The following TENM2 variants were observed in gnomAD, a reference collection of about 807,000 sequenced individuals.
TENM2 encodes teneurin transmembrane protein 2.
TENM2 carries 52 observed loss-of-function variants against 245.2 expected under a neutral mutation model. The observed-to-expected ratio is 0.21, with a 90% CI of 0.17 to 0.27. The LOEUF is 0.27. Among genes scored for constraint, TENM2 ranks in the 10% least tolerant of loss-of-function variants. The pLI is 1.00. For synonymous variants in TENM2, 1,363 were observed against 1,438.9 expected, an observed-to-expected ratio of 0.95 and a Z score of 1.19; for missense variants, 3,046 against 3,666.8, an observed-to-expected ratio of 0.83 and a Z score of 4.37.
chr5:168,028,951 C>T (rs950353730), intron 5 of TENM2, among the ~76,000 whole-genome samples: 1 of 152,172 alleles, frequency 6.6e-6, no homozygotes, highest in Admixed American at 6.5e-5. Context: ...GCCCATGGTC[C>T]TCCCCTTAGG....
chr5:167,226,396 A>T, the TENM2 span, among the ~76,000 whole-genome samples: 1 of 151,864 alleles, frequency 6.6e-6, no homozygotes, highest in East Asian at 1.9e-4. Context: ...TAATTTTTTC[A>T]TTGACCAAAC....
At chr5:167,188,062 C>CAGA in the TENM2 span, among the ~76,000 whole-genome samples, 1 of 152,154 alleles carries the variant, frequency 6.6e-6, no homozygotes, top group Non-Finnish European at 1.5e-5. Context: ...ATCTTCTCTT[C>CAGA]ATCAGAATCA....
At chr5:167,749,994 G>C (rs765515417) in intron 2 of TENM2, among the ~76,000 whole-genome samples, 14 of 152,002 alleles carry the variant, frequency 9.2e-5, no homozygotes, top group Non-Finnish European at 1.9e-4. Flanking sequence ...CCTTTGCTTT[G>C]ACCAGGTGTA....
chr5:167,905,040 G>C (rs1413318947), intron 3 of TENM2, among the ~76,000 whole-genome samples: 1 of 152,152 alleles, frequency 6.6e-6, no homozygotes, highest in African/African-American at 2.4e-5. Flanking sequence ...AGGATAGTCA[G>C]ACAGCATTTC....
the TENM2 span, among the ~76,000 whole-genome samples, chr5:167,264,546 A>G: frequency 2.0e-4 from 30 of 152,280 alleles, no homozygotes; most frequent in East Asian, 5.2e-3. Flanking sequence ...CACATTGTCC[A>G]TTCTGCACTC....
intron 7 of TENM2, among the ~76,000 whole-genome samples, chr5:168,062,776 G>A (rs1790156982): frequency 1.3e-5 from 2 of 152,098 alleles, no homozygotes; most frequent in South Asian, 4.1e-4. Flanking sequence ...GATACCAAAG[G>A]CCACATATTG....
the TENM2 span, among the ~76,000 whole-genome samples, chr5:167,035,117 G>A: frequency 6.6e-6 from 1 of 151,986 alleles, no homozygotes; most frequent in South Asian, 2.1e-4. Flanking sequence ...TTCCTGAAAT[G>A]TCACCACAGA....
At chr5:167,761,728 A>T (rs1217616841) in intron 2 of TENM2, among the ~76,000 whole-genome samples, 1 of 152,192 alleles carries the variant, frequency 6.6e-6, no homozygotes, top group African/African-American at 2.4e-5. Flanking sequence ...CACAGAATTC[A>T]TCCCCAGGCC....
Position 168,191,930 on chromosome 5 carries a change from G to A in TENM2, c.2780+1383G>A, listed in dbSNP as rs1449960083. ...CAATTCCTGCAGCTCTTTTGAATAT[G>A]AGTGTCTTAACAAGGTCACCTTAGG... On this transcript the variant is annotated intron_variant, in intron 14 of 28. Coordinates refer to ENST00000518659, the Ensembl canonical transcript of TENM2. 2.0e-5 allele frequency among the ~76,000 whole-genome samples: 3 copies of A among 152,076 alleles called. No individual in the cohort carries two copies. In the East Asian group the frequency reaches 5.8e-4, roughly 29 times the overall value.
intron 3 of TENM2, chr5:167,934,905 C>T: frequency 1.0e-6 from 1 of 985,502 alleles, no homozygotes; most frequent in Non-Finnish European, 1.2e-6. Context: ...GGCTGCACTG[C>T]CCTTGAGTCG....
At chr5:167,934,227 A>G (rs1778517401) in intron 3 of TENM2, among the ~76,000 whole-genome samples, 1 of 152,210 alleles carries the variant, frequency 6.6e-6, no homozygotes, top group Non-Finnish European at 1.5e-5. Context: ...ATCAGATCCT[A>G]TTATAAACTT....
intron 2 of TENM2, among the ~76,000 whole-genome samples, chr5:167,675,154 G>A (rs1035282533): frequency 6.6e-6 from 1 of 152,096 alleles, no homozygotes; most frequent in Non-Finnish European, 1.5e-5. Flanking sequence ...GAGTTTGTAA[G>A]TGCTTATAGT....
chr5:166,987,611 G>A, the TENM2 span, among the ~76,000 whole-genome samples: 3 of 152,170 alleles, frequency 2.0e-5, 1 homozygote, highest in South Asian at 6.2e-4. Context: ...ATTAAACTGT[G>A]TATCCTTGCC....
At chr5:168,193,787 A>T (rs1303448891) in intron 14 of TENM2, among the ~76,000 whole-genome samples, 2 of 152,230 alleles carry the variant, frequency 1.3e-5, no homozygotes, top group Non-Finnish European at 2.9e-5. Context: ...TCTTAAAGAA[A>T]TCTTAGTCCG....
chr5:168,190,518 C>A (rs1760858152), exon 14 of TENM2: 1 of 1,613,878 alleles, frequency 6.2e-7, no homozygotes, highest in South Asian at 1.1e-5. Context: ...GCACCCACAT[C>A]ATTCCTGGAG....
intron 5 of TENM2, among the ~76,000 whole-genome samples, chr5:168,035,335 A>G (rs530082374): frequency 2.7e-4 from 41 of 152,258 alleles, no homozygotes; most frequent in African/African-American, 8.7e-4. Flanking sequence ...TGTCTCTACT[A>G]CAAATACAAA....
chr5:167,707,750 A>G (rs1758630908), intron 2 of TENM2, among the ~76,000 whole-genome samples: 1 of 152,328 alleles, frequency 6.6e-6, no homozygotes, highest in Admixed American at 6.5e-5. Flanking sequence ...GTGGTCTCAG[A>G]TCCCGAACCA....
intron 1 of TENM2, among the ~76,000 whole-genome samples, chr5:167,329,224 GT>G (rs1475916370): frequency 6.6e-6 from 1 of 152,028 alleles, no homozygotes; most frequent in Non-Finnish European, 1.5e-5. Flanking sequence ...CTTATGGAGA[GT>G]TAGAATCCAT....
intron 5 of TENM2, among the ~76,000 whole-genome samples, chr5:168,034,339 TA>T (rs5873085): frequency 0.19 from 22,330 of 119,528 alleles, 1,862 homozygotes; most frequent in Admixed American, 0.29. Flanking sequence ...AGACTCCGTC[TA>T]AAAAAAAAAA....
Sources: allele counts gnomAD v4.1 joint callset (sites outside exome capture counted in the v4.1 genomes callset), GRCh38; gene constraint gnomAD v4.1.1; transcripts MANE v1.5; gene names NCBI Gene and HGNC (gene_info 2026-07-23, HGNC 2026-07-21).